The following SUN1 variants were observed in gnomAD, a reference collection of about 807,000 sequenced individuals.
SUN1 encodes SUN domain-containing protein 1.
In SUN1, 61 loss-of-function variants were observed where a neutral mutation model predicts 103.2. The ratio of observed to expected loss-of-function variants is 0.59; its 90% CI spans 0.48 to 0.73. SUN1 has a LOEUF of 0.73. SUN1 is among the 30% of genes least tolerant of loss of function. SUN1 has a pLI of 0.00. For synonymous variants in SUN1, 490 were observed against 425.7 expected, an observed-to-expected ratio of 1.15 and a Z score of -1.86; for missense variants, 1,052 against 1,034.6, an observed-to-expected ratio of 1.02 and a Z score of -0.23.
intron 1 of SUN1, among the ~76,000 whole-genome samples, chr7:818,386 C>G (rs1226829243): frequency 6.6e-6 from 1 of 152,124 alleles, no homozygotes; most frequent in Non-Finnish European, 1.5e-5. Flanking sequence ...CTTTTTATGA[C>G]TGAATAATTG....
chr7:834,379 C>G (rs1164621014), intron 1 of SUN1, among the ~76,000 whole-genome samples: 1 of 152,124 alleles, frequency 6.6e-6, no homozygotes, highest in Non-Finnish European at 1.5e-5. Context: ...AGCTCTGGAT[C>G]AGGACCAGAG....
intron 1 of SUN1, among the ~76,000 whole-genome samples, chr7:834,078 T>G (rs914709278): frequency 2.7e-5 from 4 of 148,796 alleles, no homozygotes; most frequent in African/African-American, 1.0e-4. Context: ...GGTTGTAGGC[T>G]GGGCTGGGAA....
intron 14 of SUN1, 53 bp from the exon 15 acceptor site, chr7:861,327 G>C: frequency 6.3e-7 from 1 of 1,593,646 alleles, no homozygotes; most frequent in Non-Finnish European, 8.6e-7. Context: ...TAAAACCCAC[G>C]TCTCTCCTCT....
rs1824133471 is a variant in SUN1 at position 853,478 on chromosome 7, C to T, written c.1123C>T (p.Gln375Ter). 1.2e-6 allele frequency: 2 copies of T among 1,614,054 alleles called. No individual in the cohort carries two copies. Among genetic ancestry groups the T allele is most frequent in the African/African-American group, 1.3e-5 (1 of 75,056 alleles). Reference sequence around the variant, plus strand: ...GCAGCAGGTGGCCTCTCTGTCTGGACAGTGCCACCACCATGGTGAGAATCT... The same window carrying T: ...GCAGCAGGTGGCCTCTCTGTCTGGATAGTGCCACCACCATGGTGAGAATCT... ...VEQQVASLSG[Q>*]CHHHGENLRE... The change falls in exon 10 of 19, where the codon CAG (glutamine) becomes TAG (stop). Residue 375 changes from glutamine (Q) to a stop codon, truncating the protein, a stop_gained. Coordinates refer to ENST00000401592, the MANE Select transcript of SUN1 (RefSeq NM_001130965.3). LOFTEE classifies it high-confidence loss of function.
chr7:838,363 G>A (rs962382676), intron 1 of SUN1, among the ~76,000 whole-genome samples: 11 of 152,196 alleles, frequency 7.2e-5, no homozygotes, highest in African/African-American at 1.9e-4. Context: ...TTGACGGCCC[G>A]ATCACTTGGC....
chr7:865,363 G>A (rs1180708619), intron 15 of SUN1, among the ~76,000 whole-genome samples: 3 of 152,076 alleles, frequency 2.0e-5, no homozygotes, highest in African/African-American at 4.8e-5. Flanking sequence ...CACCGGCCTC[G>A]GCCTCCCAAA....
chr7:855,305 G>A (rs2128417027), intron 11 of SUN1, among the ~76,000 whole-genome samples: 1 of 152,304 alleles, frequency 6.6e-6, no homozygotes, highest in South Asian at 2.1e-4. Flanking sequence ...AGCTCTTTCC[G>A]GCTCCAGGGT....
At chr7:843,091 A>G in intron 3 of SUN1, 115 bp from the exon 4 acceptor site, 1 of 1,455,618 alleles carries the variant, frequency 6.9e-7, no homozygotes, top group Non-Finnish European at 9.5e-7. Flanking sequence ...GACCAGTGCC[A>G]TAATGCTGAT....
intron 5 of SUN1, chr7:848,534 T>G: frequency 7.3e-7 from 1 of 1,362,070 alleles, no homozygotes; most frequent in Non-Finnish European, 9.8e-7. Flanking sequence ...CAGTTATGAA[T>G]CAGAAAATTA....
Position 852,865 on chromosome 7 carries a change from C to T in SUN1, c.966C>T (p.Asn322=), listed in dbSNP as rs1160540838. 6.2e-7 allele frequency: 1 copy of T among 1,614,026 alleles called. No individual in the cohort carries two copies. Among genetic ancestry groups the T allele is most frequent in the South Asian group, 1.1e-5 (1 of 91,066 alleles). The change falls in exon 9 of 19, where the codon AAC becomes AAT. Residue 322 remains asparagine, a synonymous_variant. Coordinates refer to ENST00000401592, the MANE Select transcript of SUN1 (RefSeq NM_001130965.3). ...GNFFSFLPVL[N]WASMHRTQRV... ...TCTTTTCGTTCTTGCCCGTGTTGAACTGGGCAAGCATGCATAGAACACAGC... is the reference window on the plus strand; with the variant it reads ...TCTTTTCGTTCTTGCCCGTGTTGAATTGGGCAAGCATGCATAGAACACAGC...
chr7:826,691 G>T (rs1167227809), intron 1 of SUN1, among the ~76,000 whole-genome samples: 1 of 152,198 alleles, frequency 6.6e-6, no homozygotes, highest in Non-Finnish European at 1.5e-5. Context: ...GTGTGGGCAG[G>T]TTCCCCACGG....
At chr7:852,099 A>T in intron 7 of SUN1, 56 bp downstream of exon 7, 1 of 1,408,528 alleles carries the variant, frequency 7.1e-7, no homozygotes. Flanking sequence ...TTTTGTGCCA[A>T]TTGCAGGCTC....
At chr7:849,664 T>C (rs749068403) in intron 5 of SUN1, 5 of 1,503,682 alleles carry the variant, frequency 3.3e-6, no homozygotes, top group Non-Finnish European at 3.7e-6. Flanking sequence ...CACGCTGTCA[T>C]GTTGGGTACT....
chr7:857,675 G>A (rs972719332), intron 12 of SUN1, among the ~76,000 whole-genome samples, 153 bp from the exon 13 acceptor site: 2 of 152,200 alleles, frequency 1.3e-5, no homozygotes, highest in Non-Finnish European at 2.9e-5. Flanking sequence ...TTTGAAACTG[G>A]CATCCAGTTT....
rs575061196 is a variant in SUN1, at chr7:871,757, C to T, written c.2149-713C>T. Among the ~76,000 whole-genome samples the T allele has an allele frequency of 3.9e-5, 6 of 152,348 alleles. No homozygotes were observed. The East Asian group carries it at 5.8e-4, about 15-fold the overall frequency. ...TCTACTCACTCGCTGGAACTTCTTC[C>T]ATAGCATTTCTTATCCCTAGAAGTC... is the stretch of plus-strand genomic sequence containing the variant. On this transcript the variant is annotated intron_variant, in intron 17 of 18. Coordinates refer to ENST00000401592, the MANE Select transcript of SUN1 (RefSeq NM_001130965.3).
intron 5 of SUN1, among the ~76,000 whole-genome samples, chr7:848,189 A>T (rs1165807670): frequency 8.0e-6 from 1 of 125,138 alleles, no homozygotes; most frequent in Non-Finnish European, 1.8e-5. Context: ...CCTCTCCGGG[A>T]TCCCCTGGGG....
Position 851,988 on chromosome 7 carries a change from G to A in SUN1, c.796G>A (p.Gly266Arg), listed in dbSNP as rs1822653445. 2 of 1,613,930 alleles carry A rather than the reference G, an allele frequency of 1.2e-6. No homozygotes were observed. Among genetic ancestry groups the A allele is most frequent in the African/African-American group, 1.3e-5 (1 of 74,884 alleles). ...ASGVFWWLGI[G>R]WYQFVTLISW... ...TGGAGTGTTCTGGTGGCTGGGGATT[G>A]GATGGTACCAGTTTGTTACTTTGAT... The change falls in exon 7 of 19, where the codon GGA becomes AGA. Residue 266 changes from glycine (G) to arginine (R), a missense_variant. Physicochemically the swap from Gly to Arg is moderately radical, Grantham distance 125. Coordinates refer to ENST00000401592, the MANE Select transcript of SUN1 (RefSeq NM_001130965.3).
chr7:831,997 C>G (rs1798420110), upstream of SUN1: 9 of 984,018 alleles, frequency 9.1e-6, no homozygotes, highest in Non-Finnish European at 1.1e-5. Context: ...GTGCCTTAAG[C>G]TTTTTTGTTA....
At chr7:819,611 C>T (rs1784108255) in intron 1 of SUN1, among the ~76,000 whole-genome samples, 1 of 151,530 alleles carries the variant, frequency 6.6e-6, no homozygotes, top group African/African-American at 2.4e-5. Context: ...ATTGAGTGGT[C>T]TTGGCACCCT....
Sources: gnomAD v4.1 joint callset for allele counts (sites outside exome capture counted in the v4.1 genomes callset) on GRCh38, gnomAD v4.1.1 for gene constraint, MANE v1.5 for transcripts, NCBI Gene and HGNC (gene_info 2026-07-23, HGNC 2026-07-21) for gene names.